FAM120B: variants seen among roughly 807,000 people sequenced by gnomAD.
The protein encoded by FAM120B is family with sequence similarity 120 member B.
Under a neutral mutation model 96.3 loss-of-function variants are expected in FAM120B, and 83 were observed. The ratio of observed to expected loss-of-function variants is 0.86; its 90% CI spans 0.72 to 1.03. The LOEUF (loss-of-function observed/expected upper bound fraction) is 1.03, where lower values mean the gene tolerates loss of function less well. Ranked by LOEUF, FAM120B falls within the 50% of genes least tolerant of loss-of-function variation. The pLI is 0.00. For synonymous variants in FAM120B, 407 were observed against 402.7 expected (o/e 1.01, Z -0.13); for missense variants, 1,027 against 1,121.2 (o/e 0.92, Z 1.20).
chr6:170,310,995 C>G lies in FAM120B; in HGVS notation c.-22+4153C>G, dbSNP rs145148730. 8.5e-5 allele frequency among the ~76,000 whole-genome samples: 13 copies of G among 152,300 alleles called. No homozygotes were observed. The East Asian group carries it at 2.5e-3, about 29-fold the overall frequency. The stretch of plus-strand genomic sequence containing the variant: ...TAGATCTCATGTTCTTAGTGTATTT[C>G]TGGGGGGATAGAAGAGGGTCTCTCT... On this transcript the variant is annotated intron_variant, in intron 1 of 10. Transcript: ENST00000476287.
At chr6:170,322,596 GA>G (rs1453864911) in intron 2 of FAM120B, among the ~76,000 whole-genome samples, 1 of 152,188 alleles carries the variant, frequency 6.6e-6, no homozygotes, top group East Asian at 1.9e-4. Flanking sequence ...TGCAAGGCTA[GA>G]AAAAGGAGAT....
intron 7 of FAM120B, among the ~76,000 whole-genome samples, chr6:170,389,521 C>T (rs1423987474): frequency 1.3e-5 from 2 of 152,016 alleles, no homozygotes; most frequent in African/African-American, 4.8e-5. Flanking sequence ...CTCCTCTCCC[C>T]ATTTCTCACA....
intron 6 of FAM120B, among the ~76,000 whole-genome samples, chr6:170,358,650 G>T (rs1181231011): frequency 6.6e-6 from 1 of 152,150 alleles, no homozygotes; most frequent in East Asian, 1.9e-4. Context: ...CCCTCCCTTG[G>T]CCTGCCTCCC....
At chr6:170,342,242 A>T (rs1233145879) in intron 4 of FAM120B, among the ~76,000 whole-genome samples, 3 of 152,132 alleles carry the variant, frequency 2.0e-5, no homozygotes, top group African/African-American at 7.2e-5. Context: ...ATAAATACTC[A>T]CTTAAATTGA....
upstream of FAM120B, among the ~76,000 whole-genome samples, chr6:170,302,436 T>C (rs548232633): frequency 1.4e-3 from 210 of 152,320 alleles, 1 homozygote; most frequent in African/African-American, 4.8e-3. Flanking sequence ...AGCCAAACCA[T>C]ATCATTGCCC....
rs968861840 is a variant in FAM120B at position 170,316,024 on chromosome 6, A to G, written c.-21-1346A>G. Among the ~76,000 whole-genome samples the G allele has an allele frequency of 1.9e-4, 25 of 132,274 alleles. No homozygotes were observed. In the Admixed American group the frequency reaches 2.1e-3, roughly 11 times the overall value. The allele number at this position is 132,274 out of a possible 152,430, so 86.8% of individuals were successfully genotyped here. On this transcript the variant is annotated intron_variant, in intron 1 of 10. Transcript: ENST00000476287. ...CAGTGAACTGTGATCACCCCTCTGCACTCCAGACGAGGCAACAGAGTGAGA... is the reference window on the plus strand; with the variant it reads ...CAGTGAACTGTGATCACCCCTCTGCGCTCCAGACGAGGCAACAGAGTGAGA...
intron 6 of FAM120B, among the ~76,000 whole-genome samples, chr6:170,376,585 G>A (rs972223667): frequency 6.6e-6 from 1 of 152,126 alleles, no homozygotes. Context: ...AGAAAAGACC[G>A]GTAAGTACCC....
At chr6:170,394,275 G>A (rs972650277) in intron 8 of FAM120B, among the ~76,000 whole-genome samples, 1 of 152,236 alleles carries the variant, frequency 6.6e-6, no homozygotes. Context: ...CTGAATGCCA[G>A]GCAAGTCGTG....
chr6:170,381,637 A>G lies in FAM120B; in HGVS notation c.2284-6650A>G, dbSNP rs187755852. On this transcript the variant is annotated intron_variant, in intron 6 of 10. Transcript: ENST00000476287. The stretch of plus-strand genomic sequence containing the variant: ...GTACAAAAATCTTGAACAAAATATG[A>G]GTGAATCAAATCCAGCAATTAATTA... 2.8e-4 allele frequency among the ~76,000 whole-genome samples: 42 copies of G among 152,292 alleles called. 1 individual carries two copies. The highest frequency in any genetic ancestry group is 5.1e-4 in the Non-Finnish European group (35 of 68,028).
At chr6:170,304,528 CAT>C (rs149916452), upstream of FAM120B, among the ~76,000 whole-genome samples, 3,097 of 151,610 alleles carry the variant, frequency 0.02, 99 homozygotes, top group African/African-American at 0.067. Context: ...CTATTTTTCA[CAT>C]GTCACATTTG....
intron 5 of FAM120B, among the ~76,000 whole-genome samples, chr6:170,356,722 T>C (rs1192722166): frequency 6.6e-6 from 1 of 152,140 alleles, no homozygotes; most frequent in Non-Finnish European, 1.5e-5. Context: ...AATCCACATA[T>C]AAGTGAACCC....
intron 3 of FAM120B, among the ~76,000 whole-genome samples, chr6:170,324,492 A>G (rs754908670): frequency 1.3e-5 from 2 of 152,236 alleles, no homozygotes; most frequent in African/African-American, 2.4e-5. Flanking sequence ...CTTTCTTAAC[A>G]TGGATGTTTG....
rs182705266 is a variant in FAM120B at position 170,372,914 on chromosome 6, A to G, written c.2283+14596A>G. 9.2e-5 allele frequency among the ~76,000 whole-genome samples: 14 copies of G among 152,362 alleles called. No homozygotes were observed. In the East Asian group the frequency reaches 1.2e-3, roughly 13 times the overall value. ...CTGTTTTGTTTACTAATAAATAACA[A>G]TGTATTCATAATGTTTTCCCTCTGT... On this transcript the variant is annotated intron_variant, in intron 6 of 10. Transcript: ENST00000476287.
At chr6:170,380,023 A>C (rs1789810748) in intron 6 of FAM120B, among the ~76,000 whole-genome samples, 1 of 152,132 alleles carries the variant, frequency 6.6e-6, no homozygotes, top group African/African-American at 2.4e-5. Flanking sequence ...TCCCTCACCC[A>C]GTAACTCCCG....
chr6:170,403,862 G>C (rs932732713), intron 9 of FAM120B, among the ~76,000 whole-genome samples: 3 of 152,146 alleles, frequency 2.0e-5, no homozygotes, highest in Admixed American at 6.6e-5. Flanking sequence ...TTTGGCTGTA[G>C]CCCTCTCCTT....
At chr6:170,311,733 C>A (rs993121505) in intron 1 of FAM120B, among the ~76,000 whole-genome samples, 3 of 152,182 alleles carry the variant, frequency 2.0e-5, no homozygotes, top group African/African-American at 7.2e-5. Context: ...GTGACTACTC[C>A]AATGTCTAAC....
intron 2 of FAM120B, among the ~76,000 whole-genome samples, chr6:170,321,674 C>T (rs933182129): frequency 2.6e-5 from 4 of 152,134 alleles, no homozygotes; most frequent in Admixed American, 6.6e-5. Context: ...CGTTCCTGGC[C>T]GGATAGTCTT....
At chr6:170,298,034 T>C (rs1030011925) in intron 1 of FAM120B, 6 of 152,234 alleles carry the variant, frequency 3.9e-5, no homozygotes, top group African/African-American at 1.2e-4. Flanking sequence ...CCTTATTTTA[T>C]TTTGATTTGT....
chr6:170,399,495 C>A (rs1778416261), intron 9 of FAM120B, among the ~76,000 whole-genome samples: 1 of 149,082 alleles, frequency 6.7e-6, no homozygotes, highest in African/African-American at 2.5e-5. Context: ...AAAGGTAGAA[C>A]TATGTCATAA....
Sources: allele counts gnomAD v4.1 joint callset (sites outside exome capture counted in the v4.1 genomes callset), GRCh38; gene constraint gnomAD v4.1.1; transcripts MANE v1.5; gene names NCBI Gene and HGNC (gene_info 2026-07-23, HGNC 2026-07-21).